The following HYCC2 variants were observed in gnomAD, a reference collection of about 807,000 sequenced individuals.
The protein encoded by HYCC2 is hyccin PI4KA lipid kinase complex subunit 2.
the HYCC2 span, among the ~76,000 whole-genome samples, chr2:201,050,750 C>T: frequency 6.6e-6 from 1 of 150,710 alleles, no homozygotes; most frequent in East Asian, 1.9e-4. Flanking sequence ...CCTGGCCAAA[C>T]ATGGTGAAAC....
the HYCC2 span, chr2:200,979,259 C>T: frequency 7.2e-6 from 1 of 139,306 alleles, no homozygotes; most frequent in South Asian, 2.2e-4. Context: ...TACATATACA[C>T]ACCATACACA....
At chr2:201,015,039 T>A in the HYCC2 span, among the ~76,000 whole-genome samples, 1 of 152,178 alleles carries the variant, frequency 6.6e-6, no homozygotes, top group East Asian at 1.9e-4. Context: ...GTTTCTCAAT[T>A]GCTACCCCAC....
chr2:201,041,087 G>A, the HYCC2 span, among the ~76,000 whole-genome samples: 1 of 152,102 alleles, frequency 6.6e-6, no homozygotes. Context: ...TATAGTTTTT[G>A]TATACTTAGA....
At chr2:201,035,673 G>T in the HYCC2 span, among the ~76,000 whole-genome samples, 2 of 152,134 alleles carry the variant, frequency 1.3e-5, no homozygotes, top group East Asian at 3.9e-4. Flanking sequence ...AGGAGGAGAG[G>T]TGCTCTGATT....
At chr2:201,026,758 G>A in the HYCC2 span, among the ~76,000 whole-genome samples, 2 of 152,176 alleles carry the variant, frequency 1.3e-5, no homozygotes, top group African/African-American at 2.4e-5. Flanking sequence ...GATGTTCTTT[G>A]AAACCAATGA....
the HYCC2 span, among the ~76,000 whole-genome samples, chr2:201,018,765 A>C: frequency 6.6e-6 from 1 of 152,166 alleles, no homozygotes; most frequent in Non-Finnish European, 1.5e-5. Flanking sequence ...CAGGAGTTTG[A>C]GGCTGCATTG....
At chr2:201,059,268 G>T in the HYCC2 span, among the ~76,000 whole-genome samples, 1 of 152,104 alleles carries the variant, frequency 6.6e-6, no homozygotes, top group Non-Finnish European at 1.5e-5. Context: ...AACCTTATTG[G>T]TTCTGTTTCT....
chr2:200,993,580 G>A, the HYCC2 span, among the ~76,000 whole-genome samples: 1 of 152,086 alleles, frequency 6.6e-6, no homozygotes, highest in Non-Finnish European at 1.5e-5. Context: ...AGTGAGTCCA[G>A]AAGAAATCTT....
chr2:201,059,191 G>A, the HYCC2 span, among the ~76,000 whole-genome samples: 2 of 152,104 alleles, frequency 1.3e-5, no homozygotes, highest in Admixed American at 6.6e-5. Context: ...TGCAGATCTC[G>A]GGACTTGTCA....
chr2:200,984,554 A>C, the HYCC2 span, among the ~76,000 whole-genome samples: 2 of 152,242 alleles, frequency 1.3e-5, no homozygotes, highest in Admixed American at 1.3e-4. Context: ...AGAATTACCA[A>C]GACTTTTCAT....
the HYCC2 span, among the ~76,000 whole-genome samples, chr2:200,989,107 A>G: frequency 8.5e-3 from 1,302 of 152,318 alleles, 37 homozygotes; most frequent in South Asian, 0.11. Flanking sequence ...CAGTAATGAA[A>G]ATACTTGTTC....
chr2:200,992,413 C>T, the HYCC2 span: 14,291 of 1,257,412 alleles, frequency 0.011, 523 homozygotes, highest in South Asian at 0.098. Context: ...AATATCTAAT[C>T]TTCAGCACAA....
chr2:201,009,070 T>C, the HYCC2 span: 7 of 1,612,530 alleles, frequency 4.3e-6, no homozygotes, highest in African/African-American at 4.0e-5. Flanking sequence ...GTCAAAGCCA[T>C]GGATCCAATT....
the HYCC2 span, chr2:200,975,108 T>G: frequency 6.6e-6 from 1 of 151,974 alleles, no homozygotes; most frequent in Non-Finnish European, 1.5e-5. Flanking sequence ...ATATTTAGAT[T>G]TAGCTTTAAC....
the HYCC2 span, among the ~76,000 whole-genome samples, chr2:201,065,941 C>G: frequency 3.3e-5 from 5 of 152,046 alleles, no homozygotes; most frequent in Admixed American, 3.3e-4. Flanking sequence ...AGATTCAGAA[C>G]CTTAAGGAAC....
At chr2:200,999,023 G>A in the HYCC2 span, among the ~76,000 whole-genome samples, 1 of 152,192 alleles carries the variant, frequency 6.6e-6, no homozygotes, top group Non-Finnish European at 1.5e-5. Flanking sequence ...CCCTAGCTGT[G>A]ATGGGGGTGG....
chr2:201,040,131 C>T, the HYCC2 span, among the ~76,000 whole-genome samples: 1 of 151,490 alleles, frequency 6.6e-6, no homozygotes, highest in Non-Finnish European at 1.5e-5. Flanking sequence ...CGAGACCGCG[C>T]CACTGCACTC....
At chr2:200,992,930 G>A in the HYCC2 span, 2 of 1,613,540 alleles carry the variant, frequency 1.2e-6, no homozygotes, top group Admixed American at 1.7e-5. Context: ...ATAAATTCAG[G>A]ATCCAATACT....
chr2:201,024,427 T>C, the HYCC2 span, among the ~76,000 whole-genome samples: 12 of 151,880 alleles, frequency 7.9e-5, no homozygotes, highest in African/African-American at 2.7e-4. Context: ...AGATAGAGGC[T>C]GCAGTGAGCT....
Sources: gnomAD v4.1 joint callset for allele counts (sites outside exome capture counted in the v4.1 genomes callset) on GRCh38, gnomAD v4.1.1 for gene constraint, MANE v1.5 for transcripts, NCBI Gene and HGNC (gene_info 2026-07-23, HGNC 2026-07-21) for gene names.